RANBP10: variants seen among roughly 807,000 people sequenced by gnomAD.
RANBP10 encodes RAN binding protein 10.
In RANBP10, 24 loss-of-function variants were observed where a neutral mutation model predicts 72.8. That is an observed-to-expected ratio of 0.33 (90% CI 0.24 to 0.46). The LOEUF is 0.46. Among genes scored for constraint, RANBP10 ranks in the 20% least tolerant of loss-of-function variants. RANBP10 has a pLI of 1.00. For missense variants in RANBP10, 679 were observed against 817.5 expected, an observed-to-expected ratio of 0.83 and a Z score of 2.07; for synonymous variants, 310 against 322.3, an observed-to-expected ratio of 0.96 and a Z score of 0.41.
chr16:67,735,170 G>A (rs62059346), intron 5 of RANBP10, 128 bp from the exon 6 acceptor site: 1 of 889,422 alleles, frequency 1.1e-6, no homozygotes, highest in Non-Finnish European at 1.7e-6. Context: ...GGAGGAGGCA[G>A]GGCGGAGCCA....
chr16:67,771,281 G>A (rs1170654382), intron 3 of RANBP10, among the ~76,000 whole-genome samples: 1 of 151,840 alleles, frequency 6.6e-6, no homozygotes, highest in Non-Finnish European at 1.5e-5. Flanking sequence ...AAAAAATAAA[G>A]AAAAGAAATT....
chr16:67,771,398 T>A (rs2054605019), intron 3 of RANBP10, among the ~76,000 whole-genome samples: 1 of 151,934 alleles, frequency 6.6e-6, no homozygotes, highest in African/African-American at 2.4e-5. Context: ...CAGGCTGGAG[T>A]GCAGTGGCGC....
At chr16:67,764,140 T>G (rs955432670) in intron 3 of RANBP10, among the ~76,000 whole-genome samples, 4 of 152,178 alleles carry the variant, frequency 2.6e-5, no homozygotes, top group Admixed American at 1.3e-4. Flanking sequence ...GCAGAGGCTC[T>G]CTCAGGCCAG....
chr16:67,792,423 G>C (rs535805197), intron 2 of RANBP10, among the ~76,000 whole-genome samples: 1 of 151,880 alleles, frequency 6.6e-6, no homozygotes, highest in Non-Finnish European at 1.5e-5. Flanking sequence ...TTAGCCAGGC[G>C]TAGTGGCGGA....
At chr16:67,749,156 CAG>C (rs2054147386) in intron 3 of RANBP10, among the ~76,000 whole-genome samples, 2 of 152,166 alleles carry the variant, frequency 1.3e-5, no homozygotes, top group South Asian at 4.1e-4. Context: ...ACAAGAGAGG[CAG>C]AGAGTGTGAC....
intron 2 of RANBP10, among the ~76,000 whole-genome samples, chr16:67,791,680 C>G (rs911626812): frequency 1.3e-5 from 2 of 152,166 alleles, no homozygotes; most frequent in Admixed American, 1.3e-4. Flanking sequence ...AGCCACAGTT[C>G]AGCAGGCTGG....
chr16:67,796,393 G>A (rs892921312), intron 2 of RANBP10, among the ~76,000 whole-genome samples: 1 of 152,004 alleles, frequency 6.6e-6, no homozygotes, highest in Non-Finnish European at 1.5e-5. Context: ...CTTTCCTCTT[G>A]GTTCAGCTCT....
chr16:67,739,854 G>A (rs1028617935), intron 4 of RANBP10: 1 of 152,156 alleles, frequency 6.6e-6, no homozygotes, highest in Non-Finnish European at 1.5e-5. Context: ...GCTCTGAATT[G>A]GAAGTGAGGG....
Position 67,726,471 on chromosome 16 carries a change from A to C in RANBP10, c.1820T>G (p.Leu607Arg). The change falls in exon 14 of 14, where the codon CTG becomes CGG. Residue 607 changes from leucine to arginine, a missense_variant. Coordinates refer to ENST00000317506, the MANE Select transcript of RANBP10 (RefSeq NM_020850.3). ...AACTCTGGCAAAGGAGCAAGAACCC[A>C]GGCCTGCTCGGGCCATGAGCCGGAG... ...ECLRLMARAG[L>R]GSCSFARVDD... 1 of 1,608,298 alleles carries C rather than the reference A, an allele frequency of 6.2e-7. No individual in the cohort carries two copies. Among genetic ancestry groups the C allele is most frequent in the Non-Finnish European group, 8.5e-7 (1 of 1,177,332 alleles).
intron 2 of RANBP10, among the ~76,000 whole-genome samples, chr16:67,780,361 G>A (rs2054788710): frequency 6.6e-6 from 1 of 152,188 alleles, no homozygotes; most frequent in Non-Finnish European, 1.5e-5. Flanking sequence ...GACCTAGAAA[G>A]ACAGACAGCT....
chr16:67,779,044 C>T (rs936544466), intron 2 of RANBP10, among the ~76,000 whole-genome samples: 2 of 151,964 alleles, frequency 1.3e-5, no homozygotes, highest in South Asian at 2.1e-4. Context: ...CAGTGCCTCC[C>T]GCCATTGCAC....
intron 6 of RANBP10, among the ~76,000 whole-genome samples, chr16:67,732,141 G>A (rs2053746271): frequency 6.6e-6 from 1 of 152,158 alleles, no homozygotes; most frequent in Admixed American, 6.6e-5. Context: ...TCTAGTGAGT[G>A]AGTGATGGGA....
rs75276053 is a variant in RANBP10 at position 67,793,831 on chromosome 16, C to T, written c.347+11597G>A. Among the ~76,000 whole-genome samples the T allele has an allele frequency of 7.1e-3, 1,073 of 152,068 alleles. 13 individuals are homozygous for T. The Middle Eastern group carries it at 0.071, about 10-fold the overall frequency. On this transcript the variant is annotated intron_variant, in intron 2 of 13. Transcript: ENST00000317506. ...GGCCATAAGCCTGCATTTGTTTAAACCTGCATCTCTCTATCCCTCTGCTAT... is the reference window on the plus strand; with the variant it reads ...GGCCATAAGCCTGCATTTGTTTAAATCTGCATCTCTCTATCCCTCTGCTAT...
chr16:67,744,491 A>C (rs1169254473), intron 3 of RANBP10, 36 bp from the exon 4 acceptor site: 2 of 1,577,212 alleles, frequency 1.3e-6, no homozygotes, highest in Non-Finnish European at 1.7e-6. Context: ...CTGAGTAGGT[A>C]CTTGAGGGAG....
At chr16:67,778,353 T>C (rs78692675) in intron 2 of RANBP10, among the ~76,000 whole-genome samples, 1 of 138,638 alleles carries the variant, frequency 7.2e-6, no homozygotes, top group African/African-American at 2.7e-5. Context: ...CTGTCTAAAA[T>C]AAAAAAAAAA....
At chr16:67,805,972 G>A (rs564074370) in intron 1 of RANBP10, among the ~76,000 whole-genome samples, 7 of 152,358 alleles carry the variant, frequency 4.6e-5, no homozygotes, top group South Asian at 2.1e-4. Flanking sequence ...GTAGGTATGT[G>A]ACCACCCCTT....
chr16:67,806,250 C>G, intron 1 of RANBP10, 52 bp downstream of exon 1: 1 of 1,505,670 alleles, frequency 6.6e-7, no homozygotes, highest in Non-Finnish European at 9.0e-7. Context: ...GGCAGCAGAG[C>G]CACCCCACGG....
intron 2 of RANBP10, among the ~76,000 whole-genome samples, chr16:67,779,361 C>G (rs1048135231): frequency 6.6e-6 from 1 of 150,698 alleles, no homozygotes; most frequent in African/African-American, 2.4e-5. Context: ...GGCACTACTG[C>G]ACTCCAGCCT....
chr16:67,739,653 C>T (rs556981928), intron 4 of RANBP10, among the ~76,000 whole-genome samples: 1 of 152,066 alleles, frequency 6.6e-6, no homozygotes, highest in African/African-American at 2.4e-5. Context: ...GTGGTCCCAG[C>T]GACTTGGGAG....
Sources: allele counts gnomAD v4.1 joint callset (sites outside exome capture counted in the v4.1 genomes callset), GRCh38; gene constraint gnomAD v4.1.1; transcripts MANE v1.5; gene names NCBI Gene and HGNC (gene_info 2026-07-23, HGNC 2026-07-21).